The following CPD variants were observed in gnomAD, a reference collection of about 807,000 sequenced individuals.
The protein encoded by CPD is metallocarboxypeptidase D.
In CPD, 69 loss-of-function variants were observed where a neutral mutation model predicts 138.3. That is an observed-to-expected ratio of 0.50 (90% CI 0.41 to 0.61). The LOEUF (loss-of-function observed/expected upper bound fraction) is 0.61, where lower values mean the gene tolerates loss of function less well. Among genes scored for constraint, CPD ranks in the 20% least tolerant of loss-of-function variants. CPD has a pLI of 0.00. For missense variants in CPD, 1,432 were observed against 1,733.3 expected (o/e 0.83, Z 3.09); for synonymous variants, 651 against 642.1 (o/e 1.01, Z -0.21).
At chr17:30,419,925 A>T (rs1435441905) in intron 2 of CPD, among the ~76,000 whole-genome samples, 1 of 152,242 alleles carries the variant, frequency 6.6e-6, no homozygotes, top group East Asian at 1.9e-4. Context: ...ATCCTGTGTG[A>T]CATCATCTGA....
In CPD at chr17:30,442,358, A is replaced by G. The variant is rs780171077; in HGVS notation, c.2281A>G (p.Ile761Val). 13 of 1,613,308 alleles carry G rather than the reference A, an allele frequency of 8.1e-6. No homozygotes were observed. In the African/African-American group the frequency reaches 1.1e-4, roughly 13 times the overall value. ...ACAAACAAATTGCTTTGAAGTGACT[A>G]TTGAACTAGGTTGTGTGAAATATCC... ...YLQTNCFEVT[I>V]ELGCVKYPLE... Residue 761 changes from isoleucine (I) to valine (V), a missense_variant, in exon 10 of 21, where the codon ATT (isoleucine) becomes GTT (valine). Around this residue, in one of 6 missense-constraint regions of CPD, gnomAD observed 297 missense variants for 405.3 expected, o/e 0.73. Transcript: ENST00000225719.
chr17:30,379,542 G>A lies in CPD; in HGVS notation c.562G>A (p.Glu188Lys), dbSNP rs753205118. The A allele has an allele frequency of 1.3e-6, 2 of 1,555,394 alleles. No homozygotes were observed. Among genetic ancestry groups the A allele is most frequent in the South Asian group, 2.3e-5 (2 of 85,496 alleles). ...LLPSLNPDGF[E>K]RAREGDCGFG... is the part of the protein sequence containing the mutation. ...GCCCAGCCTCAACCCCGATGGCTTC[G>A]AGCGTGCCCGCGAGGGCGACTGTGG... The change falls in exon 1 of 21, where the codon GAG becomes AAG. Residue 188 changes from glutamate to lysine, a missense_variant. This residue lies in a region of CPD where 484 missense variants were observed against 477.2 expected (regional missense o/e 1.01). Coordinates refer to ENST00000225719, the MANE Select transcript of CPD (RefSeq NM_001304.5). This position sits in a 1 kb window ranked among gnomAD's most constrained non-coding sequence, Gnocchi z 7.0.
At chr17:30,405,355 T>C (rs1911777504) in intron 2 of CPD, among the ~76,000 whole-genome samples, 1 of 152,148 alleles carries the variant, frequency 6.6e-6, no homozygotes, top group African/African-American at 2.4e-5. Context: ...ATTTACCCCT[T>C]TATCTGTAGC....
chr17:30,464,315 C>A (rs1274189763), intron 20 of CPD, among the ~76,000 whole-genome samples: 3 of 151,932 alleles, frequency 2.0e-5, no homozygotes, highest in Non-Finnish European at 4.4e-5. Context: ...CACACACACA[C>A]AAAAGATCTT....
intron 2 of CPD, among the ~76,000 whole-genome samples, chr17:30,411,269 TTC>T (rs1157899890): frequency 2.0e-5 from 3 of 152,174 alleles, no homozygotes; most frequent in Non-Finnish European, 4.4e-5. Context: ...AACCTGACCT[TTC>T]TCTCTGGCTG....
chr17:30,404,963 T>C (rs1911768354), intron 2 of CPD, among the ~76,000 whole-genome samples: 1 of 152,210 alleles, frequency 6.6e-6, no homozygotes, highest in Admixed American at 6.5e-5. Flanking sequence ...CTGGTTTCAT[T>C]AATGGCTTCA....
Position 30,431,757 on chromosome 17 carries a change from T to C in CPD, c.2018-15T>C. The C allele has an allele frequency of 6.5e-7, 1 of 1,540,372 alleles. No homozygotes were observed. The highest frequency in any genetic ancestry group is 1.4e-5 in the African/African-American group (1 of 73,422). ...AAACAGACAACATGATACATTTTCC[T>C]CTTTTCCCTTATAGGTTCTTTGGTG... On this transcript the variant is annotated splice_polypyrimidine_tract_variant and intron_variant, in intron 7 of 20. Coordinates refer to ENST00000225719, the MANE Select transcript of CPD (RefSeq NM_001304.5).
In CPD at chr17:30,449,585, G is replaced by A; in HGVS notation, c.2906G>A (p.Trp969Ter). 1 of 1,599,976 alleles carries A rather than the reference G, an allele frequency of 6.3e-7. No individual in the cohort carries two copies. Among genetic ancestry groups the A allele is most frequent in the Non-Finnish European group, 8.5e-7 (1 of 1,176,534 alleles). ...LGQSTEYRHI[W>*]SLEISNKPNV... ...CAGAGCACTGAATATCGTCACATTT[G>A]GTCCCTTGAAATCTCCAATAAGCCC... The change falls in exon 13 of 21, where the codon TGG (tryptophan) becomes TAG (stop). Residue 969 changes from tryptophan (W) to a stop codon, truncating the protein, a stop_gained. Transcript: ENST00000225719. LOFTEE classifies it high-confidence loss of function.
intron 12 of CPD, chr17:30,447,513 A>G (rs1307290126): frequency 6.6e-6 from 1 of 152,148 alleles, no homozygotes; most frequent in Non-Finnish European, 1.5e-5. Context: ...AACCCTTTCC[A>G]TCACTCAGCT....
intron 2 of CPD, among the ~76,000 whole-genome samples, chr17:30,392,600 AACCCACTAATATATCTC>A (rs1911389414): frequency 6.6e-6 from 1 of 152,210 alleles, no homozygotes; most frequent in African/African-American, 2.4e-5. Context: ...AATATGTCTG[AACCCACTAATATATCTC>A]ACAACCCACT....
In CPD at chr17:30,379,600, G is replaced by A; in HGVS notation, c.620G>A (p.Gly207Asp). Residue 207 changes from glycine (G) to aspartate (D), a missense_variant, in exon 1 of 21, where the codon GGC (glycine) becomes GAC (aspartate). Around this residue, in one of 6 missense-constraint regions of CPD, gnomAD observed 484 missense variants for 477.2 expected, o/e 1.01. Coordinates refer to ENST00000225719, the MANE Select transcript of CPD (RefSeq NM_001304.5). The surrounding 1 kb of genome is among the most constrained non-coding windows in gnomAD (Gnocchi z 7.0). ...GACGGCGGCCCGTCCGGGGCCAGCG[G>A]CCGCGACAATAGTCGCGGCCGCGAC... The part of the protein sequence containing the change: ...FGDGGPSGAS[G>D]RDNSRGRDLN... The A allele has an allele frequency of 6.8e-7, 1 of 1,478,492 alleles. No homozygotes were observed. 91.6% of individuals were successfully genotyped at this position (1,478,492 alleles called of 1,614,324 possible).
chr17:30,466,884 C>T lies in CPD; in HGVS notation c.*2070C>T, dbSNP rs1388873295. On this transcript the variant is annotated 3_prime_UTR_variant, in exon 21 of 21. Transcript: ENST00000225719. ...TAAAATTTTTAAAGAAATGAACATACACATAGTTATTTTAGTAATATTTCC... is the reference window on the plus strand; with the variant it reads ...TAAAATTTTTAAAGAAATGAACATATACATAGTTATTTTAGTAATATTTCC... The T allele has an allele frequency of 6.6e-6, 1 of 152,284 alleles. No homozygotes were observed. The highest frequency in any genetic ancestry group is 2.4e-5 in the African/African-American group (1 of 41,436). 9.4% of individuals were successfully genotyped at this position (152,284 alleles called of 1,614,324 possible).
chr17:30,427,593 G>A, intron 7 of CPD, 35 bp downstream of exon 7: 1 of 1,579,486 alleles, frequency 6.3e-7, no homozygotes, highest in Non-Finnish European at 8.7e-7. Context: ...ATCAGTTCTT[G>A]TTGAGAGCAT....
At chr17:30,388,804 C>T (rs758754483) in intron 2 of CPD, among the ~76,000 whole-genome samples, 6 of 152,182 alleles carry the variant, frequency 3.9e-5, no homozygotes, top group African/African-American at 1.2e-4. Context: ...TCCCTGTTGC[C>T]CTGGGGCTAA....
chr17:30,379,609 A>G lies in CPD; in HGVS notation c.629A>G (p.Asn210Ser), dbSNP rs759561934. 16 of 1,472,970 alleles carry G rather than the reference A, an allele frequency of 1.1e-5. No homozygotes were observed. Among genetic ancestry groups the G allele is most frequent in the African/African-American group, 3.0e-5 (2 of 66,520 alleles). The allele number at this position is 1,472,970 out of a possible 1,614,324, so 91.2% of individuals were successfully genotyped here. A position where few individuals can be genotyped will look rare whatever the true frequency, so the allele number is the denominator to read the frequency against. The change falls in exon 1 of 21, where the codon AAT (asparagine) becomes AGT (serine). Residue 210 changes from asparagine to serine, a missense_variant. Physicochemically the swap from Asn to Ser is conservative, Grantham distance 46. Transcript: ENST00000225719. The surrounding 1 kb of genome is among the most constrained non-coding windows in gnomAD (Gnocchi z 7.0). ...CCGTCCGGGGCCAGCGGCCGCGACA[A>G]TAGTCGCGGCCGCGACCTCAACCGA... ...GGPSGASGRD[N>S]SRGRDLNRSF...
At chr17:30,382,435 A>G (rs908761656) in intron 1 of CPD, among the ~76,000 whole-genome samples, 3 of 152,238 alleles carry the variant, frequency 2.0e-5, no homozygotes, top group Non-Finnish European at 4.4e-5. Flanking sequence ...TGGAAACCAT[A>G]AAGTACCTGT....
intron 17 of CPD, among the ~76,000 whole-genome samples, chr17:30,460,017 G>A (rs748279122): frequency 1.4e-4 from 21 of 152,152 alleles, no homozygotes; most frequent in Non-Finnish European, 2.6e-4. Context: ...CCTATTGTAC[G>A]AATTAACTGT....
intron 2 of CPD, among the ~76,000 whole-genome samples, chr17:30,390,663 G>A (rs1461410251): frequency 6.6e-6 from 1 of 152,188 alleles, no homozygotes; most frequent in Non-Finnish European, 1.5e-5. Flanking sequence ...GGCTGGCCCA[G>A]CATATCTAGC....
At chr17:30,458,476 T>G (rs1913360135) in intron 17 of CPD, among the ~76,000 whole-genome samples, 1 of 152,186 alleles carries the variant, frequency 6.6e-6, no homozygotes, top group South Asian at 2.1e-4. Flanking sequence ...CTTTTCTTTT[T>G]TTTGGAGGGC....
Sources: gnomAD v4.1 joint callset for allele counts (sites outside exome capture counted in the v4.1 genomes callset) on GRCh38, gnomAD v4.1.1 for gene constraint, gnomAD v4.1.1 regional missense constraint, Gnocchi (gnomAD v3.1) non-coding constraint, MANE v1.5 for transcripts, NCBI Gene and HGNC (gene_info 2026-07-23, HGNC 2026-07-21) for gene names.